The following POFUT1 variants were observed in gnomAD, a reference collection of about 807,000 sequenced individuals.
The protein encoded by POFUT1 is GDP-fucose protein O-fucosyltransferase 1.
Under a neutral mutation model 42.4 loss-of-function variants are expected in POFUT1, and 16 were observed. That is an observed-to-expected ratio of 0.38 (90% CI 0.26 to 0.57). POFUT1 has a LOEUF of 0.57. POFUT1 is among the 20% of genes least tolerant of loss of function. POFUT1 has a pLI of 0.71. For missense variants in POFUT1, 470 were observed against 504.6 expected (o/e 0.93, Z 0.66); for synonymous variants, 206 against 205.4 (o/e 1.00, Z -0.03).
At chr20:32,217,725 C>CA (rs1242370421) in intron 4 of POFUT1, 40 of 985,246 alleles carry the variant, frequency 4.1e-5, no homozygotes, top group Non-Finnish European at 4.8e-5. Flanking sequence ...TGTTGGCTGT[C>CA]AGTGTTATTA....
intron 4 of POFUT1, among the ~76,000 whole-genome samples, chr20:32,224,945 T>G (rs2047407368): frequency 6.6e-6 from 1 of 152,246 alleles, no homozygotes; most frequent in South Asian, 2.1e-4. Context: ...TGATTAGATT[T>G]ATATGTAACC....
At chr20:32,223,287 T>G in intron 4 of POFUT1, 1 of 985,444 alleles carries the variant, frequency 1.0e-6, no homozygotes, top group Non-Finnish European at 1.2e-6. Context: ...CCAAGATCCC[T>G]GTTCCCCCCT....
At chr20:32,232,609 G>A (rs564281118) in intron 6 of POFUT1, among the ~76,000 whole-genome samples, 1 of 152,210 alleles carries the variant, frequency 6.6e-6, no homozygotes, top group African/African-American at 2.4e-5. Context: ...TGTTACATCA[G>A]AAATCTCTGT....
Position 32,228,403 on chromosome 20 carries a change from C to G in POFUT1, c.683C>G (p.Ala228Gly). Reference sequence around the variant, plus strand: ...AAGACGGGAGAGGCCCAGATTCATGCCCACCTTGTCCGGCCCTATGTGGGC... The same window carrying G: ...AAGACGGGAGAGGCCCAGATTCATGGCCACCTTGTCCGGCCCTATGTGGGC... ...MVKTGEAQIH[A>G]HLVRPYVGIH... The change falls in exon 5 of 7, where the codon GCC (alanine) becomes GGC (glycine). Residue 228 changes from alanine (A) to glycine (G), a missense_variant. Ala to Gly is a moderately conservative substitution (Grantham distance 60). Coordinates refer to ENST00000375749, the MANE Select transcript of POFUT1 (RefSeq NM_015352.2). 1 of 1,614,168 alleles carries G rather than the reference C, an allele frequency of 6.2e-7. No homozygotes were observed. The highest frequency in any genetic ancestry group is 8.5e-7 in the Non-Finnish European group (1 of 1,180,002).
intron 4 of POFUT1, among the ~76,000 whole-genome samples, chr20:32,220,370 A>G (rs1166860520): frequency 6.6e-6 from 1 of 152,122 alleles, no homozygotes; most frequent in Admixed American, 6.6e-5. Context: ...GCCTCAAGTA[A>G]TTATCCTGCC....
In POFUT1 at chr20:32,216,599, C is replaced by A; in HGVS notation, c.430-10C>A. The A allele has an allele frequency of 6.4e-7, 1 of 1,570,946 alleles. No homozygotes were observed. The highest frequency in any genetic ancestry group is 8.8e-7 in the Non-Finnish European group (1 of 1,140,652). Reference sequence around the variant, plus strand: ...CCATCAGTAAGCCTTCCACCACTCTCTTTCTGCAGGAAGGAAACCCCTTTG... The same window carrying A: ...CCATCAGTAAGCCTTCCACCACTCTATTTCTGCAGGAAGGAAACCCCTTTG... On this transcript the variant is annotated splice_polypyrimidine_tract_variant and intron_variant, in intron 3 of 6. Transcript: ENST00000375749.
chr20:32,209,305 T>A (rs577387471), intron 1 of POFUT1, among the ~76,000 whole-genome samples: 47 of 152,346 alleles, frequency 3.1e-4, no homozygotes, highest in African/African-American at 1.1e-3. Flanking sequence ...CCAAGTAATC[T>A]CCTCATTACC....
chr20:32,216,748 G>T, intron 4 of POFUT1, 27 bp downstream of exon 4: 1 of 1,516,094 alleles, frequency 6.6e-7, no homozygotes, highest in Non-Finnish European at 9.2e-7. Flanking sequence ...GCGTTTCTGG[G>T]TTTAGGGGAG....
At position 32,215,325 on chromosome 20, in the gene POFUT1, G is replaced by C. The variant is rs1161400316; in HGVS notation, c.303G>C (p.Arg101=). Residue 101 remains arginine, a synonymous_variant, in exon 3 of 7, where the codon CGG becomes CGC. Transcript: ENST00000375749. The part of the protein sequence containing the change: ...FKLEPLQAYH[R]VISLEDFMEK... Reference sequence around the variant, plus strand: ...TGGAGCCCCTCCAGGCTTACCATCGGGTCATCAGCTTGGAGGATTTCATGG... The same window carrying C: ...TGGAGCCCCTCCAGGCTTACCATCGCGTCATCAGCTTGGAGGATTTCATGG... 1.2e-6 allele frequency: 2 copies of C among 1,613,972 alleles called. No individual in the cohort carries two copies. Among genetic ancestry groups the C allele is most frequent in the Non-Finnish European group, 1.7e-6 (2 of 1,179,996 alleles).
intron 4 of POFUT1, among the ~76,000 whole-genome samples, chr20:32,225,069 C>T (rs146636540): frequency 7.6e-4 from 116 of 152,360 alleles, no homozygotes; most frequent in Non-Finnish European, 1.5e-3. Flanking sequence ...TTAATCCTCT[C>T]AGTAGCCCTA....
intron 4 of POFUT1, among the ~76,000 whole-genome samples, chr20:32,220,477 T>TA (rs1452160943): frequency 3.9e-5 from 6 of 152,152 alleles, no homozygotes; most frequent in Admixed American, 3.3e-4. Flanking sequence ...TGCAATGGCT[T>TA]ACACCTGTAA....
chr20:32,210,156 G>C lies in POFUT1; in HGVS notation c.210G>C (p.Trp70Cys), dbSNP rs1315755522. The C allele has an allele frequency of 1.2e-6, 2 of 1,613,930 alleles. No homozygotes were observed. The highest frequency in any genetic ancestry group is 1.7e-5 in the Admixed American group (1 of 59,988). Residue 70 changes from tryptophan to cysteine, a missense_variant, in exon 2 of 7, where the codon TGG becomes TGC. Transcript: ENST00000375749. The part of the protein sequence containing the change: ...LLNRTLAVPP[W>C]IEYQHHKPPF... Reference sequence around the variant, plus strand: ...ACCGTACCTTGGCTGTCCCTCCTTGGATTGAGTACCAGCATCACAAGCCTC... The same window carrying C: ...ACCGTACCTTGGCTGTCCCTCCTTGCATTGAGTACCAGCATCACAAGCCTC...
Position 32,228,439 on chromosome 20 carries a change from G to T in POFUT1, c.719G>T (p.Arg240Leu). 1 of 1,613,970 alleles carries T rather than the reference G, an allele frequency of 6.2e-7. No individual in the cohort carries two copies. The highest frequency in any genetic ancestry group is 8.5e-7 in the Non-Finnish European group (1 of 1,179,912). Residue 240 changes from arginine (R) to leucine (L), a missense_variant, in exon 5 of 7, where the codon CGC becomes CTC. Transcript: ENST00000375749. Reference protein sequence around the residue: ...LVRPYVGIHLRIGSDWKNACA... With the variant: ...LVRPYVGIHLLIGSDWKNACA... ...CGGCCCTATGTGGGCATTCATCTGC[G>T]CATTGGCTCTGACTGGGTAACTTCC...
rs377686763 is a variant in POFUT1, at chr20:32,225,883, G to T, written c.543-2380G>T. ...TGTGGATGAGGAGCTAAGGCACAGA[G>T]TGGTAAAGTCACCTGCCCAAGTTAG... On this transcript the variant is annotated intron_variant, in intron 4 of 6. Coordinates refer to ENST00000375749, the MANE Select transcript of POFUT1 (RefSeq NM_015352.2). Among the ~76,000 whole-genome samples the T allele has an allele frequency of 4.6e-5, 7 of 152,340 alleles. No individual in the cohort carries two copies. The East Asian group carries it at 1.2e-3, about 25-fold the overall frequency.
chr20:32,215,077 C>T (rs1283526012), intron 2 of POFUT1, among the ~76,000 whole-genome samples, 192 bp from the exon 3 acceptor site: 2 of 152,144 alleles, frequency 1.3e-5, no homozygotes, highest in Non-Finnish European at 2.9e-5. Flanking sequence ...TTAGTAAAGA[C>T]AGGGTTTCAC....
intron 5 of POFUT1, among the ~76,000 whole-genome samples, chr20:32,229,550 C>T (rs544582078): frequency 6.6e-6 from 1 of 152,260 alleles, no homozygotes; most frequent in South Asian, 2.1e-4. Flanking sequence ...GGCTATCTCT[C>T]GAAACCACAG....
At chr20:32,212,313 C>T (rs2122565395) in intron 2 of POFUT1, among the ~76,000 whole-genome samples, 1 of 151,920 alleles carries the variant, frequency 6.6e-6, no homozygotes, top group Non-Finnish European at 1.5e-5. Flanking sequence ...TCACTGTTGC[C>T]CAGGGTGAAG....
At chr20:32,223,096 G>C in intron 4 of POFUT1, 1 of 985,458 alleles carries the variant, frequency 1.0e-6, no homozygotes, top group Non-Finnish European at 1.2e-6. Flanking sequence ...GCTGTATACA[G>C]AGAAGTCCTA....
rs1428388271 is a variant in POFUT1, at chr20:32,215,519, A to G, written c.429+68A>G. 5 of 1,308,534 alleles carry G rather than the reference A, an allele frequency of 3.8e-6. No homozygotes were observed. In the African/African-American group the frequency reaches 4.4e-5, roughly 11 times the overall value. The allele number at this position is 1,308,534 out of a possible 1,614,324, so 81.1% of individuals were successfully genotyped here. A position where few individuals can be genotyped will look rare whatever the true frequency, so the allele number is the denominator to read the frequency against. The stretch of plus-strand genomic sequence containing the variant: ...TCCTCTAGGCCCCCAAGACTATGTC[A>G]TGGCAAAATGTGGGGAAAAGCACCA... On this transcript the variant is annotated intron_variant, in intron 3 of 6. Coordinates refer to ENST00000375749, the MANE Select transcript of POFUT1 (RefSeq NM_015352.2).
Sources: allele counts gnomAD v4.1 joint callset (sites outside exome capture counted in the v4.1 genomes callset), GRCh38; gene constraint gnomAD v4.1.1; transcripts MANE v1.5; gene names NCBI Gene and HGNC (gene_info 2026-07-23, HGNC 2026-07-21).